IDO2: variants seen among roughly 807,000 people sequenced by gnomAD.
IDO2 encodes the protein indoleamine 2,3-dioxygenase 2.
A neutral mutation model predicts 45.1 loss-of-function variants in IDO2; 46 were observed. That is an observed-to-expected ratio of 1.02 (90% CI 0.80 to 1.30). IDO2 has a LOEUF of 1.30. Among genes scored for constraint, IDO2 ranks in the 50% most tolerant of loss-of-function variants. The pLI is 0.00. For synonymous variants in IDO2, 218 were observed against 184.9 expected (o/e 1.18, Z -1.45); for missense variants, 544 against 491.8 (o/e 1.11, Z -1.00).
chr8:40,004,221 G>T (rs1405426189), intron 8 of IDO2, among the ~76,000 whole-genome samples: 1 of 152,188 alleles, frequency 6.6e-6, no homozygotes, highest in African/African-American at 2.4e-5. Flanking sequence ...CACCACCAAG[G>T]AGCATCTGAA....
chr8:39,946,244 C>G (rs7838771), intron 1 of IDO2, among the ~76,000 whole-genome samples: 109 of 152,266 alleles, frequency 7.2e-4, no homozygotes, highest in African/African-American at 2.5e-3. Context: ...AGCTTTGACT[C>G]TCTATGATTT....
rs554677321 is a variant in IDO2 at position 39,996,610 on chromosome 8, A to G, written c.667+6772A>G. Among the ~76,000 whole-genome samples the G allele has an allele frequency of 4.6e-5, 7 of 151,496 alleles. No homozygotes were observed. In the South Asian group the frequency reaches 6.3e-4, roughly 14 times the overall value. ...TTCTATCTCTTTGTCTTGTGTCTTT[A>G]TTTCTACCATCTCTTGTCTCCGCAC... is the stretch of plus-strand genomic sequence containing the variant. On this transcript the variant is annotated intron_variant, in intron 8 of 10. Coordinates refer to ENST00000502986, the Ensembl canonical transcript of IDO2.
At chr8:39,960,216 C>T (rs1807970888) in intron 2 of IDO2, among the ~76,000 whole-genome samples, 1 of 152,102 alleles carries the variant, frequency 6.6e-6, no homozygotes, top group Non-Finnish European at 1.5e-5. Flanking sequence ...GTCTTTTCTC[C>T]TCTGTAATTA....
chr8:39,969,115 AACTGCTTTACATGTAGTCAT>A (rs2129594030), intron 3 of IDO2, among the ~76,000 whole-genome samples: 1 of 152,288 alleles, frequency 6.6e-6, no homozygotes, highest in African/African-American at 2.4e-5. Context: ...ACAGTTGTGA[AACTGCTTTACATGTAGTCAT>A]ACCTTTGCAT....
intron 2 of IDO2, among the ~76,000 whole-genome samples, chr8:39,953,854 A>G (rs1031765735): frequency 2.0e-5 from 3 of 152,188 alleles, no homozygotes; most frequent in African/African-American, 7.2e-5. Context: ...AACAATAACA[A>G]AACTTTTCTC....
At chr8:39,948,027 G>A (rs530370901) in intron 1 of IDO2, among the ~76,000 whole-genome samples, 1 of 152,150 alleles carries the variant, frequency 6.6e-6, no homozygotes, top group South Asian at 2.1e-4. Context: ...CAGGTGATCC[G>A]CCTGCCTTGG....
chr8:39,995,197 T>TCTTCTTCTCCTTCTCCTTCTC (rs1554548593), intron 8 of IDO2: 1 of 80,570 alleles, frequency 1.2e-5, no homozygotes, highest in African/African-American at 5.1e-5. Context: ...TTCTTCTTCT[T>TCTTCTTCTCCTTCTCCTTCTC]CTTCTCCTTC....
intron 3 of IDO2, among the ~76,000 whole-genome samples, chr8:39,964,016 G>A (rs1808042710): frequency 6.6e-6 from 1 of 152,176 alleles, no homozygotes; most frequent in South Asian, 2.1e-4. Context: ...GCCTAAGAAG[G>A]TCAGCTTGGA....
intron 7 of IDO2, among the ~76,000 whole-genome samples, chr8:39,989,301 G>A (rs867484461): frequency 8.5e-5 from 13 of 152,104 alleles, no homozygotes; most frequent in African/African-American, 2.7e-4. Context: ...ATCAGCCTGT[G>A]GGGATTACCA....
chr8:39,987,940 G>A (rs764649831), exon 7 of IDO2: 2 of 1,609,548 alleles, frequency 1.2e-6, no homozygotes, highest in Non-Finnish European at 1.7e-6. Context: ...TGACTGCTTT[G>A]GTAGAGAAAG....
At chr8:40,015,925 A>G (rs996221754) in exon 11 of IDO2, 2 of 361,848 alleles carry the variant, frequency 5.5e-6, no homozygotes, top group Non-Finnish European at 9.8e-6. Flanking sequence ...GTCAAAAATC[A>G]GATAAAATTG....
intron 1 of IDO2, among the ~76,000 whole-genome samples, chr8:39,944,975 G>A (rs1189606116): frequency 1.3e-5 from 2 of 152,168 alleles, no homozygotes; most frequent in Non-Finnish European, 2.9e-5. Context: ...CTGAACAATG[G>A]CTTGGAAATT....
intron 3 of IDO2, among the ~76,000 whole-genome samples, chr8:39,972,976 C>T (rs1808202773): frequency 1.3e-5 from 2 of 152,158 alleles, no homozygotes; most frequent in South Asian, 4.1e-4. Context: ...TTTACATGCA[C>T]TGGGAAGCCA....
chr8:40,009,642 T>C (rs76257702), intron 9 of IDO2, among the ~76,000 whole-genome samples: 5,129 of 152,192 alleles, frequency 0.034, 275 homozygotes, highest in African/African-American at 0.11. Flanking sequence ...GAAACACAAT[T>C]TCCCTTCCTC....
intron 1 of IDO2, among the ~76,000 whole-genome samples, chr8:39,946,685 C>G (rs1008506955): frequency 4.6e-5 from 7 of 152,142 alleles, no homozygotes; most frequent in Non-Finnish European, 1.0e-4. Flanking sequence ...TAATAAAACT[C>G]CAGTCTCCCG....
intron 3 of IDO2, among the ~76,000 whole-genome samples, chr8:39,978,563 G>C (rs1183683285): frequency 6.6e-6 from 1 of 152,112 alleles, no homozygotes; most frequent in African/African-American, 2.4e-5. Flanking sequence ...GAGGGGGTGT[G>C]AAAAGCCCCA....
At chr8:40,015,391 A>G (rs747361203) in exon 11 of IDO2, 1 of 1,613,944 alleles carries the variant, frequency 6.2e-7, no homozygotes, top group East Asian at 2.2e-5. Flanking sequence ...CAGTGTGTGC[A>G]GGCCCTGGCA....
intron 3 of IDO2, among the ~76,000 whole-genome samples, chr8:39,975,549 T>G (rs1037829769): frequency 2.0e-4 from 31 of 152,292 alleles, no homozygotes; most frequent in African/African-American, 6.7e-4. Flanking sequence ...TCATTAATAG[T>G]CAAGAAAATG....
In IDO2 at chr8:39,963,604, G is replaced by A. The variant is rs568009654; in HGVS notation, c.100-4G>A. 4.8e-5 allele frequency: 76 copies of A among 1,579,674 alleles called. No individual in the cohort carries two copies. Among genetic ancestry groups the A allele is most frequent in the Non-Finnish European group, 6.6e-5 (76 of 1,154,672 alleles). ...ATATTTACATGTTTCTATTTTAAATGCAGAAAGAACTTCCAGATCATTATA... is the reference window on the plus strand; with the variant it reads ...ATATTTACATGTTTCTATTTTAAATACAGAAAGAACTTCCAGATCATTATA... On this transcript the variant is annotated splice_polypyrimidine_tract_variant and splice_region_variant and intron_variant, in intron 2 of 10. Transcript: ENST00000502986.
Sources: gnomAD v4.1 joint callset for allele counts (sites outside exome capture counted in the v4.1 genomes callset) on GRCh38, gnomAD v4.1.1 for gene constraint, MANE v1.5 for transcripts, NCBI Gene and HGNC (gene_info 2026-07-23, HGNC 2026-07-21) for gene names.